Variants in GALNT17 observed in about 807,000 individuals in gnomAD.
GALNT17 encodes UDP-GalNAc:polypeptide N-acetylgalactosaminyltransferase-like 3.
GALNT17 carries 29 observed loss-of-function variants against 63.7 expected under a neutral mutation model. The ratio of observed to expected loss-of-function variants is 0.46; its 90% CI spans 0.34 to 0.62. GALNT17 has a LOEUF of 0.62. Ranked by LOEUF, GALNT17 falls within the 20% of genes least tolerant of loss-of-function variation. GALNT17 has a pLI of 0.01. For synonymous variants in GALNT17, 305 were observed against 318.3 expected (o/e 0.96, Z 0.45); for missense variants, 603 against 799.6 (o/e 0.75, Z 2.97).
At chr7:71,701,865 ATATACATATATATATG>A (rs1791649235) in intron 9 of GALNT17, among the ~76,000 whole-genome samples, 1 of 110,768 alleles carries the variant, frequency 9.0e-6, no homozygotes, top group Non-Finnish European at 1.8e-5. Context: ...ACACATATAT[ATATACATATATATATG>A]TATATATATA....
chr7:71,594,312 C>T (rs1407196251), intron 6 of GALNT17, among the ~76,000 whole-genome samples: 1 of 152,022 alleles, frequency 6.6e-6, no homozygotes, highest in Non-Finnish European at 1.5e-5. Context: ...TTTTTTAAGA[C>T]AGAGTCTCGC....
At chr7:71,378,444 A>G (rs1034561843) in intron 2 of GALNT17, among the ~76,000 whole-genome samples, 3 of 152,170 alleles carry the variant, frequency 2.0e-5, no homozygotes, top group African/African-American at 7.2e-5. Flanking sequence ...TGGTTAATGC[A>G]CTTGACCCAA....
intron 1 of GALNT17, among the ~76,000 whole-genome samples, chr7:71,147,816 A>G (rs1244351015): frequency 1.3e-5 from 2 of 152,020 alleles, no homozygotes; most frequent in Non-Finnish European, 2.9e-5. Flanking sequence ...TATTTTTAGT[A>G]GAGATGAGGT....
intron 8 of GALNT17, 66 bp from the exon 9 acceptor site, chr7:71,677,145 A>G (rs563209881): frequency 6.5e-7 from 1 of 1,534,282 alleles, no homozygotes; most frequent in South Asian, 1.1e-5. Flanking sequence ...ATGGTAGAAC[A>G]GTGACTCGGC....
At chr7:71,250,372 T>C (rs528432674) in intron 1 of GALNT17, among the ~76,000 whole-genome samples, 1 of 152,326 alleles carries the variant, frequency 6.6e-6, no homozygotes, top group South Asian at 2.1e-4. Flanking sequence ...AGCAAACTTC[T>C]GGGTATTTCC....
At chr7:71,455,968 G>A (rs914579050) in intron 5 of GALNT17, among the ~76,000 whole-genome samples, 2 of 152,270 alleles carry the variant, frequency 1.3e-5, no homozygotes, top group African/African-American at 2.4e-5. Flanking sequence ...CTGTGAGGCC[G>A]GGGACGGTGG....
chr7:71,492,290 TA>T (rs1583999759), intron 5 of GALNT17, among the ~76,000 whole-genome samples: 6 of 152,088 alleles, frequency 3.9e-5, no homozygotes, highest in African/African-American at 7.2e-5. Flanking sequence ...AATAAATAAA[TA>T]AATTAATTAA....
chr7:71,655,053 G>A (rs997916113), intron 6 of GALNT17, among the ~76,000 whole-genome samples: 1 of 152,114 alleles, frequency 6.6e-6, no homozygotes, highest in Non-Finnish European at 1.5e-5. Flanking sequence ...GCCCCCGAAA[G>A]TGCTGCTAGA....
intron 1 of GALNT17, among the ~76,000 whole-genome samples, chr7:71,192,454 G>C (rs536254777): frequency 1.3e-4 from 20 of 150,490 alleles, no homozygotes; most frequent in Non-Finnish European, 1.9e-4. Context: ...AGAATGCAGT[G>C]ATGCAATCTC....
intron 3 of GALNT17, among the ~76,000 whole-genome samples, chr7:71,404,819 G>A (rs1265326658): frequency 6.6e-6 from 1 of 152,150 alleles, no homozygotes; most frequent in African/African-American, 2.4e-5. Flanking sequence ...CAGCCCTTAG[G>A]CCTCTTCTCT....
intron 5 of GALNT17, among the ~76,000 whole-genome samples, chr7:71,542,451 C>G (rs1392016344): frequency 2.0e-5 from 3 of 151,988 alleles, no homozygotes; most frequent in Non-Finnish European, 2.9e-5. Context: ...AACCCCAGCA[C>G]TTTGGGAGGC....
chr7:71,136,590 A>G (rs1585829346), intron 1 of GALNT17, among the ~76,000 whole-genome samples: 1 of 151,272 alleles, frequency 6.6e-6, no homozygotes, highest in Admixed American at 6.6e-5. Context: ...GGTTCAAGTG[A>G]CTTTCCTGCC....
intron 6 of GALNT17, among the ~76,000 whole-genome samples, chr7:71,638,417 G>A (rs1244360597): frequency 1.3e-5 from 2 of 152,148 alleles, no homozygotes; most frequent in Non-Finnish European, 2.9e-5. Flanking sequence ...AGTTGCTCTG[G>A]TTCAAATCCC....
intron 5 of GALNT17, among the ~76,000 whole-genome samples, chr7:71,552,394 T>C (rs1789095591): frequency 6.6e-6 from 1 of 151,852 alleles, no homozygotes; most frequent in Non-Finnish European, 1.5e-5. Context: ...TCTGATACTT[T>C]TAGTTCTCCT....
chr7:71,407,675 G>A (rs1005098630), intron 3 of GALNT17, among the ~76,000 whole-genome samples: 3 of 152,198 alleles, frequency 2.0e-5, no homozygotes, highest in Admixed American at 2.0e-4. Flanking sequence ...TTGAGCCCAG[G>A]AGTTGGAAGC....
At chr7:71,310,403 G>A (rs181861398) in intron 1 of GALNT17, among the ~76,000 whole-genome samples, 15 of 152,232 alleles carry the variant, frequency 9.9e-5, no homozygotes, top group Non-Finnish European at 2.1e-4. Context: ...GTGCCTATTT[G>A]CATCTGTTTG....
At chr7:71,220,179 C>A (rs1789557810) in intron 1 of GALNT17, among the ~76,000 whole-genome samples, 1 of 152,180 alleles carries the variant, frequency 6.6e-6, no homozygotes, top group Non-Finnish European at 1.5e-5. Flanking sequence ...TTTGGACTTG[C>A]TTAGTTCTGG....
chr7:71,222,479 A>T (rs1212888942), intron 1 of GALNT17, among the ~76,000 whole-genome samples: 1 of 151,822 alleles, frequency 6.6e-6, no homozygotes, highest in Non-Finnish European at 1.5e-5. Context: ...TTTAGTAGAG[A>T]CAAGGTTTCT....
chr7:71,194,944 C>T (rs1458870061), intron 1 of GALNT17, among the ~76,000 whole-genome samples: 1 of 152,188 alleles, frequency 6.6e-6, no homozygotes, highest in Non-Finnish European at 1.5e-5. Flanking sequence ...CTCATCATTG[C>T]ACTCATCTTT....
Sources: allele counts gnomAD v4.1 joint callset (sites outside exome capture counted in the v4.1 genomes callset), GRCh38; gene constraint gnomAD v4.1.1; transcripts MANE v1.5; gene names NCBI Gene and HGNC (gene_info 2026-07-23, HGNC 2026-07-21).